The following MDGA2 variants were observed in gnomAD, a reference collection of about 807,000 sequenced individuals.
MDGA2 encodes the protein MAM domain containing glycosylphosphatidylinositol anchor 2, also known as MAM domain-containing glycosylphosphatidylinositol anchor protein 2.
MDGA2 carries 40 observed loss-of-function variants against 117.8 expected under a neutral mutation model. That is an observed-to-expected ratio of 0.34 (90% CI 0.26 to 0.44). The LOEUF is 0.44. MDGA2 is among the 20% of genes least tolerant of loss of function. The pLI is 1.00. For synonymous variants in MDGA2, 452 were observed against 439.0 expected, an observed-to-expected ratio of 1.03 and a Z score of -0.37; for missense variants, 1,123 against 1,250.6, an observed-to-expected ratio of 0.90 and a Z score of 1.54.
intron 5 of MDGA2, among the ~76,000 whole-genome samples, chr14:47,123,739 T>A (rs185238853): frequency 6.6e-6 from 1 of 152,054 alleles, no homozygotes; most frequent in Admixed American, 6.6e-5. Flanking sequence ...AAGTCATCCA[T>A]AAAATGATCA....
intron 1 of MDGA2, among the ~76,000 whole-genome samples, chr14:47,463,118 C>T (rs1893526216): frequency 6.6e-6 from 1 of 152,146 alleles, no homozygotes; most frequent in Non-Finnish European, 1.5e-5. Flanking sequence ...TTCCTAAAAA[C>T]CCAGCTATAT....
At chr14:47,421,104 G>C (rs955155765) in intron 1 of MDGA2, among the ~76,000 whole-genome samples, 2 of 152,020 alleles carry the variant, frequency 1.3e-5, no homozygotes, top group Admixed American at 6.6e-5. Flanking sequence ...CATTTTACCT[G>C]GTCAATCAAT....
intron 8 of MDGA2, among the ~76,000 whole-genome samples, chr14:47,012,442 T>A (rs1887927366): frequency 2.0e-5 from 3 of 152,054 alleles, no homozygotes; most frequent in Admixed American, 6.6e-5. Context: ...TAACAGAAAA[T>A]ACAAAGATAA....
At chr14:47,170,583 C>T (rs1395822138) in intron 3 of MDGA2, among the ~76,000 whole-genome samples, 3 of 152,016 alleles carry the variant, frequency 2.0e-5, no homozygotes, top group Non-Finnish European at 4.4e-5. Flanking sequence ...GCTCTTTCTG[C>T]AAGAATTAAA....
chr14:47,368,309 A>T (rs1161509094), intron 1 of MDGA2, among the ~76,000 whole-genome samples: 1 of 152,092 alleles, frequency 6.6e-6, no homozygotes, highest in African/African-American at 2.4e-5. Flanking sequence ...AATAAAAATT[A>T]AAAAAAAGAA....
chr14:47,469,220 T>C (rs1267572822), intron 1 of MDGA2, among the ~76,000 whole-genome samples: 1 of 152,100 alleles, frequency 6.6e-6, no homozygotes, highest in African/African-American at 2.4e-5. Flanking sequence ...GTTTGTTACA[T>C]ATGTATACAT....
chr14:47,646,236 G>A (rs1296704341), intron 1 of MDGA2, among the ~76,000 whole-genome samples: 1 of 151,814 alleles, frequency 6.6e-6, no homozygotes, highest in Non-Finnish European at 1.5e-5. Flanking sequence ...GATTGTCTAG[G>A]ATAGATTACC....
chr14:46,937,062 A>G (rs143877523), intron 9 of MDGA2, among the ~76,000 whole-genome samples: 2 of 152,240 alleles, frequency 1.3e-5, no homozygotes, highest in East Asian at 3.9e-4. Flanking sequence ...TACCAAAAAA[A>G]CTCTTAGAAC....
At chr14:47,387,571 A>G (rs186504221) in intron 1 of MDGA2, among the ~76,000 whole-genome samples, 253 of 152,336 alleles carry the variant, frequency 1.7e-3, no homozygotes, top group African/African-American at 5.6e-3. Flanking sequence ...GATAAAAATT[A>G]GAAGTTGCCG....
chr14:47,226,115 C>A (rs916995171), intron 2 of MDGA2, among the ~76,000 whole-genome samples: 12 of 151,544 alleles, frequency 7.9e-5, no homozygotes, highest in Admixed American at 3.3e-4. Flanking sequence ...CATAGGGAGA[C>A]CCCTATCTCT....
chr14:47,234,886 C>G, intron 2 of MDGA2, among the ~76,000 whole-genome samples: 1 of 152,116 alleles, frequency 6.6e-6, no homozygotes, highest in East Asian at 1.9e-4. Context: ...TTTGTCACTT[C>G]AGTCAATTAC....
intron 1 of MDGA2, among the ~76,000 whole-genome samples, chr14:47,397,574 T>C (rs1252126629): frequency 6.6e-6 from 1 of 152,078 alleles, no homozygotes; most frequent in African/African-American, 2.4e-5. Flanking sequence ...CTAGGAAATT[T>C]TCAAAAGCCA....
intron 5 of MDGA2, among the ~76,000 whole-genome samples, chr14:47,113,140 C>T (rs970740146): frequency 3.3e-5 from 5 of 152,100 alleles, no homozygotes; most frequent in African/African-American, 9.7e-5. Flanking sequence ...TGGATATCCA[C>T]TGACTCCACA....
intron 3 of MDGA2, among the ~76,000 whole-genome samples, chr14:47,181,567 C>G (rs979826216): frequency 2.6e-5 from 4 of 152,204 alleles, no homozygotes; most frequent in African/African-American, 9.7e-5. Context: ...TACTTAATCA[C>G]AAATACATTA....
intron 9 of MDGA2, among the ~76,000 whole-genome samples, chr14:46,936,904 T>TA (rs1430146788): frequency 6.6e-6 from 1 of 152,034 alleles, no homozygotes; most frequent in Admixed American, 6.6e-5. Flanking sequence ...TGCCCACTCT[T>TA]ACCACTCTTA....
At chr14:47,486,031 G>A (rs1161014799) in intron 1 of MDGA2, among the ~76,000 whole-genome samples, 1 of 152,174 alleles carries the variant, frequency 6.6e-6, no homozygotes, top group Non-Finnish European at 1.5e-5. Flanking sequence ...TGTGAGAAGA[G>A]TGCCACTGTC....
intron 1 of MDGA2, among the ~76,000 whole-genome samples, chr14:47,391,655 A>G (rs1468017638): frequency 6.6e-6 from 1 of 152,174 alleles, no homozygotes; most frequent in Non-Finnish European, 1.5e-5. Context: ...ATCAATTATT[A>G]AATGTCAGGT....
intron 2 of MDGA2, among the ~76,000 whole-genome samples, chr14:47,282,590 C>G (rs929568180): frequency 3.3e-5 from 5 of 151,480 alleles, no homozygotes; most frequent in African/African-American, 1.2e-4. Context: ...CCCAGCTATT[C>G]GGGAGGCTGA....
At chr14:47,211,451 T>C (rs1475170996) in intron 3 of MDGA2, among the ~76,000 whole-genome samples, 1 of 152,150 alleles carries the variant, frequency 6.6e-6, no homozygotes, top group Non-Finnish European at 1.5e-5. Context: ...ATAGGAACAA[T>C]GTGTTGGGCA....
Sources: gnomAD v4.1 joint callset for allele counts (sites outside exome capture counted in the v4.1 genomes callset) on GRCh38, gnomAD v4.1.1 for gene constraint, MANE v1.5 for transcripts, NCBI Gene and HGNC (gene_info 2026-07-23, HGNC 2026-07-21) for gene names.